Variants in DNAH11 observed in about 807,000 individuals in gnomAD.
The protein encoded by DNAH11 is axonemal beta dynein heavy chain 11.
A neutral mutation model predicts 526.0 loss-of-function variants in DNAH11; 442 were observed. The observed-to-expected ratio is 0.84, with a 90% confidence interval of 0.78 to 0.91. The LOEUF is 0.91. Among genes scored for constraint, DNAH11 ranks in the 40% least tolerant of loss-of-function variants. The pLI is 0.00. For synonymous variants in DNAH11, 2,461 were observed against 1,935.9 expected (o/e 1.27, Z -7.12); for missense variants, 6,989 against 5,448.7 (o/e 1.28, Z -8.90).
intron 49 of DNAH11, among the ~76,000 whole-genome samples, chr7:21,744,052 G>C (rs1043843478): frequency 2.0e-4 from 31 of 152,050 alleles, no homozygotes; most frequent in African/African-American, 7.5e-4. Context: ...TCTGTGAAAT[G>C]ATTAGACTGA....
intron 37 of DNAH11, chr7:21,703,708 A>G (rs911231017): frequency 9.2e-5 from 14 of 152,166 alleles, no homozygotes; most frequent in African/African-American, 2.7e-4. Context: ...AACCATATCA[A>G]TACATATCAC....
At chr7:21,853,881 A>G (rs537549614) in intron 67 of DNAH11, among the ~76,000 whole-genome samples, 4 of 152,336 alleles carry the variant, frequency 2.6e-5, no homozygotes, top group African/African-American at 9.6e-5. Context: ...TACTGGGTAT[A>G]TTATTGACCT....
At chr7:21,638,898 A>C in intron 27 of DNAH11, 41 bp from the exon 28 acceptor site, 9 of 1,570,202 alleles carry the variant, frequency 5.7e-6, no homozygotes, top group Non-Finnish European at 7.8e-6. Flanking sequence ...TTAATGACTG[A>C]AGGGACAAGA....
At chr7:21,590,687 A>G (rs1784639801) in intron 12 of DNAH11, among the ~76,000 whole-genome samples, 1 of 152,192 alleles carries the variant, frequency 6.6e-6, no homozygotes, top group Non-Finnish European at 1.5e-5. Flanking sequence ...CATAAAACCA[A>G]TTTATAGAAA....
At chr7:21,588,756 C>A in intron 11 of DNAH11, 120 bp downstream of exon 11, 1 of 1,205,440 alleles carries the variant, frequency 8.3e-7, no homozygotes, top group Non-Finnish European at 1.2e-6. Flanking sequence ...ACTTCTCTCA[C>A]TGGTTGGGTT....
intron 65 of DNAH11, among the ~76,000 whole-genome samples, chr7:21,827,340 A>G (rs1213712828): frequency 5.3e-5 from 8 of 152,202 alleles, no homozygotes; most frequent in African/African-American, 9.6e-5. Context: ...ACTGGCTTAC[A>G]TATTAGAGAA....
chr7:21,704,456 A>G lies in DNAH11; in HGVS notation c.6296A>G (p.Asp2099Gly), dbSNP rs1489598227. 2.5e-6 allele frequency: 4 copies of G among 1,613,264 alleles called. No individual in the cohort carries two copies. Among genetic ancestry groups the G allele is most frequent in the Non-Finnish European group, 3.4e-6 (4 of 1,179,672 alleles). Residue 2099 changes from aspartate (D) to glycine (G), a missense_variant, in exon 38 of 82, where the codon GAT becomes GGT. Coordinates refer to ENST00000409508, the MANE Select transcript of DNAH11 (RefSeq NM_001277115.2). ...EDQVLMRALR[D>G]FNMPKIVTDD... ...TAGGTACTCATGAGAGCATTAAGGG[A>G]TTTCAATATGCCCAAAATAGTGACT...
At chr7:21,700,748 G>C (rs1299642947) in intron 36 of DNAH11, among the ~76,000 whole-genome samples, 4 of 152,070 alleles carry the variant, frequency 2.6e-5, no homozygotes, top group African/African-American at 9.7e-5. Context: ...AGAAAATATG[G>C]TACATATACA....
intron 62 of DNAH11, among the ~76,000 whole-genome samples, chr7:21,804,930 G>C (rs1248559047): frequency 6.6e-6 from 1 of 152,130 alleles, no homozygotes; most frequent in African/African-American, 2.4e-5. Flanking sequence ...TCTGTCTCCT[G>C]GATACCCCTC....
In DNAH11 at chr7:21,681,160, C is replaced by T. The variant is rs150719563; in HGVS notation, c.5329-386C>T. On this transcript the variant is annotated intron_variant, in intron 30 of 81. Coordinates refer to ENST00000409508, the MANE Select transcript of DNAH11 (RefSeq NM_001277115.2). ...ATTGTTTTGTGGCCAGGCGTGGTGG[C>T]TCATGCCTGTAATCCCAGCATTTTG... Among the ~76,000 whole-genome samples the T allele has an allele frequency of 4.6e-4, 70 of 152,190 alleles. 1 individual carries two copies. In the East Asian group the frequency reaches 0.013, roughly 29 times the overall value.
At chr7:21,599,708 A>C in intron 14 of DNAH11, 79 bp from the exon 15 acceptor site, 2 of 1,131,490 alleles carry the variant, frequency 1.8e-6, no homozygotes, top group African/African-American at 1.6e-5. Context: ...CTTCTTTTAC[A>C]AACTATTTAA....
Position 21,739,625 on chromosome 7 carries a change from C to T in DNAH11, c.7866C>T (p.Ala2622=), listed in dbSNP as rs1785784284. 2 of 1,612,758 alleles carry T rather than the reference C, an allele frequency of 1.2e-6. No homozygotes were observed. Among genetic ancestry groups the T allele is most frequent in the African/African-American group, 1.3e-5 (1 of 74,854 alleles). ...AAATCCATAACTGCCAGTATGTCGC[C>T]TGCATGAATCCGATGGTGGGCAGCT... The part of the protein sequence containing the change: ...LKEIHNCQYV[A]CMNPMVGSFT... The change falls in exon 48 of 82, where the codon GCC becomes GCT. Residue 2622 remains alanine (A), a synonymous_variant. Coordinates refer to ENST00000409508, the MANE Select transcript of DNAH11 (RefSeq NM_001277115.2).
chr7:21,594,738 G>A (rs1784805889), intron 14 of DNAH11, among the ~76,000 whole-genome samples: 1 of 152,104 alleles, frequency 6.6e-6, no homozygotes, highest in African/African-American at 2.4e-5. Context: ...AGGGAAGTAA[G>A]TGTGGGGGGA....
intron 73 of DNAH11, among the ~76,000 whole-genome samples, chr7:21,869,342 G>A (rs1325774794): frequency 7.0e-6 from 1 of 142,422 alleles, no homozygotes; most frequent in Non-Finnish European, 1.6e-5. Flanking sequence ...CTGGGTTGAC[G>A]TTAGAGTCGA....
intron 25 of DNAH11, among the ~76,000 whole-genome samples, chr7:21,621,576 A>G (rs1013665472): frequency 6.6e-6 from 1 of 152,144 alleles, no homozygotes; most frequent in Non-Finnish European, 1.5e-5. Flanking sequence ...ATCCTCAGTA[A>G]AATACTGGCA....
At chr7:21,804,998 C>T (rs6954331) in intron 62 of DNAH11, among the ~76,000 whole-genome samples, 28,299 of 152,142 alleles carry the variant, frequency 0.19, 3,359 homozygotes, top group Admixed American at 0.34. Context: ...CTGTCTCTCC[C>T]TCATACTTCC....
intron 42 of DNAH11, among the ~76,000 whole-genome samples, chr7:21,717,072 C>T (rs533213154): frequency 4.6e-5 from 7 of 152,262 alleles, no homozygotes; most frequent in African/African-American, 1.4e-4. Context: ...AGTTTAACAT[C>T]ATACATTTTT....
chr7:21,824,947 T>C (rs1328163937), intron 65 of DNAH11, among the ~76,000 whole-genome samples: 9 of 152,048 alleles, frequency 5.9e-5, no homozygotes, highest in Non-Finnish European at 1.3e-4. Context: ...TCTTGGCTCA[T>C]TGCAACCTCC....
intron 30 of DNAH11, among the ~76,000 whole-genome samples, chr7:21,678,722 A>AT (rs901129605): frequency 2.6e-5 from 4 of 151,924 alleles, no homozygotes; most frequent in African/African-American, 7.3e-5. Context: ...TGTGTCTTTA[A>AT]TTTTTTTCCT....
Sources: gnomAD v4.1 joint callset for allele counts (sites outside exome capture counted in the v4.1 genomes callset) on GRCh38, gnomAD v4.1.1 for gene constraint, MANE v1.5 for transcripts, NCBI Gene and HGNC (gene_info 2026-07-23, HGNC 2026-07-21) for gene names.